DLGAP2: variants seen among roughly 807,000 people sequenced by gnomAD.
The protein encoded by DLGAP2 is DLG associated protein 2.
Under a neutral mutation model 100.3 loss-of-function variants are expected in DLGAP2, and 26 were observed. The ratio of observed to expected loss-of-function variants is 0.26; its 90% CI spans 0.19 to 0.36. The LOEUF is 0.36. DLGAP2 is among the 10% of genes least tolerant of loss of function. DLGAP2 has a pLI of 1.00. For missense variants in DLGAP2, 1,858 were observed against 1,453.2 expected (o/e 1.28, Z -4.53); for synonymous variants, 886 against 630.1 (o/e 1.41, Z -6.08).
At chr8:1,506,771 C>G (rs958914423) in intron 4 of DLGAP2, among the ~76,000 whole-genome samples, 5 of 152,170 alleles carry the variant, frequency 3.3e-5, no homozygotes, top group African/African-American at 9.7e-5. Flanking sequence ...AATCCCTGAG[C>G]TAGACAAAGA....
intron 6 of DLGAP2, among the ~76,000 whole-genome samples, chr8:1,571,897 G>A (rs1802710892): frequency 7.3e-6 from 1 of 136,180 alleles, no homozygotes; most frequent in Non-Finnish European, 1.6e-5. Flanking sequence ...CGTCTAATGA[G>A]ATGGAGAGGA....
intron 2 of DLGAP2, among the ~76,000 whole-genome samples, chr8:1,256,377 C>G (rs1799217200): frequency 1.5e-5 from 2 of 129,906 alleles, no homozygotes; most frequent in Admixed American, 1.5e-4. Flanking sequence ...TGTGTGTCCT[C>G]TCATCCTGCC....
chr8:1,251,159 A>G (rs1799031222), intron 2 of DLGAP2, among the ~76,000 whole-genome samples: 1 of 152,108 alleles, frequency 6.6e-6, no homozygotes, highest in African/African-American at 2.4e-5. Flanking sequence ...CATTACCACA[A>G]TTTCTCCCTG....
At chr8:966,521 C>CT (rs963323815) in intron 2 of DLGAP2, among the ~76,000 whole-genome samples, 10 of 152,148 alleles carry the variant, frequency 6.6e-5, no homozygotes, top group African/African-American at 2.4e-4. Context: ...GCTTTCATAT[C>CT]TTTTTTTTAA....
At chr8:1,138,966 A>T (rs1796472911) in intron 2 of DLGAP2, among the ~76,000 whole-genome samples, 1 of 151,738 alleles carries the variant, frequency 6.6e-6, no homozygotes, top group Non-Finnish European at 1.5e-5. Flanking sequence ...CTGTTTATTT[A>T]CTGGTTCTGG....
At chr8:1,594,999 T>C (rs1441066116) in intron 6 of DLGAP2, among the ~76,000 whole-genome samples, 1 of 152,060 alleles carries the variant, frequency 6.6e-6, no homozygotes, top group African/African-American at 2.4e-5. Context: ...CTTGAATCCA[T>C]ACACACTGTC....
intron 5 of DLGAP2, among the ~76,000 whole-genome samples, chr8:1,554,115 C>T (rs1801874266): frequency 1.3e-5 from 2 of 152,208 alleles, no homozygotes; most frequent in Admixed American, 6.5e-5. Context: ...TGGCAAAACC[C>T]TGTTTCTACT....
At chr8:1,211,492 A>G (rs1249131732) in intron 2 of DLGAP2, among the ~76,000 whole-genome samples, 1 of 152,248 alleles carries the variant, frequency 6.6e-6, no homozygotes, top group African/African-American at 2.4e-5. Context: ...AATGATATAA[A>G]GTACTCTCAT....
At chr8:1,170,850 A>C (rs2116676222) in intron 2 of DLGAP2, among the ~76,000 whole-genome samples, 2 of 144,776 alleles carry the variant, frequency 1.4e-5, no homozygotes, top group South Asian at 4.7e-4. Flanking sequence ...GGATTCATTA[A>C]TTTTTTGAAG....
chr8:1,033,977 T>C (rs13259852), intron 2 of DLGAP2, among the ~76,000 whole-genome samples: 477 of 25,382 alleles, frequency 0.019, no homozygotes, highest in Middle Eastern at 0.1. Context: ...CGTGTCACCG[T>C]GAGTGGACTC....
chr8:855,130 C>T (rs1054653624), intron 1 of DLGAP2, among the ~76,000 whole-genome samples: 9 of 152,132 alleles, frequency 5.9e-5, no homozygotes, highest in Non-Finnish European at 7.3e-5. Flanking sequence ...CTGTGTGCAG[C>T]GTCTTCGTGT....
At chr8:891,649 G>C (rs1798037864) in intron 1 of DLGAP2, 1 of 152,436 alleles carries the variant, frequency 6.6e-6, no homozygotes, top group South Asian at 2.1e-4. Context: ...AGGATGGGTG[G>C]TGTGGACAGG....
chr8:1,681,919 G>A lies in DLGAP2; in HGVS notation c.2704+3290G>A, dbSNP rs560397581. ...GCAGTGATCTGGGACTGGGAGTCAC[G>A]GCCCTCTGACGTTGAACGCTCTGCC... On this transcript the variant is annotated intron_variant, in intron 12 of 14. Transcript: ENST00000637795. 2.6e-3 allele frequency among the ~76,000 whole-genome samples: 383 copies of A among 147,934 alleles called. 2 individuals carry two copies. Among genetic ancestry groups the A allele is most frequent in the Non-Finnish European group, 3.5e-3 (235 of 67,770 alleles).
At chr8:1,559,738 A>C (rs1802095791) in intron 5 of DLGAP2, among the ~76,000 whole-genome samples, 1 of 152,252 alleles carries the variant, frequency 6.6e-6, no homozygotes, top group African/African-American at 2.4e-5. Context: ...ATCTGCCACC[A>C]GCCAGCCTCA....
At chr8:892,378 C>T (rs548188910) in intron 1 of DLGAP2, among the ~76,000 whole-genome samples, 5 of 152,098 alleles carry the variant, frequency 3.3e-5, no homozygotes, top group East Asian at 1.9e-4. Flanking sequence ...CAAAGAGGAA[C>T]GAAATCCCGA....
chr8:1,565,948 C>A, intron 6 of DLGAP2, 54 bp downstream of exon 6: 1 of 1,475,240 alleles, frequency 6.8e-7, no homozygotes, highest in Non-Finnish European at 9.1e-7. Flanking sequence ...TGCCTGCGAG[C>A]TCCCTCTCCA....
At chr8:990,350 TC>T (rs1491399985) in intron 2 of DLGAP2, among the ~76,000 whole-genome samples, 1 of 135,036 alleles carries the variant, frequency 7.4e-6, no homozygotes, top group Non-Finnish European at 1.6e-5. Flanking sequence ...TGTTCTTCTC[TC>T]CCTCCTTGCC....
intron 3 of DLGAP2, among the ~76,000 whole-genome samples, chr8:1,341,791 G>T (rs894935589): frequency 6.6e-6 from 1 of 152,170 alleles, no homozygotes; most frequent in Non-Finnish European, 1.5e-5. Context: ...AATGCTGTCC[G>T]CAGGGTCCCT....
chr8:1,187,222 G>C (rs182032433), intron 2 of DLGAP2, among the ~76,000 whole-genome samples: 1 of 151,240 alleles, frequency 6.6e-6, no homozygotes, highest in Admixed American at 6.6e-5. Flanking sequence ...ATTTCACACG[G>C]GACCTCCGTG....
Sources: allele counts gnomAD v4.1 joint callset (sites outside exome capture counted in the v4.1 genomes callset), GRCh38; gene constraint gnomAD v4.1.1; transcripts MANE v1.5; gene names NCBI Gene and HGNC (gene_info 2026-07-23, HGNC 2026-07-21).